The following UNC5D variants were observed in gnomAD, a reference collection of about 807,000 sequenced individuals.
UNC5D encodes netrin receptor UNC5D.
A neutral mutation model predicts 105.4 loss-of-function variants in UNC5D; 39 were observed. The ratio of observed to expected loss-of-function variants is 0.37; its 90% CI spans 0.29 to 0.48. UNC5D has a LOEUF of 0.48. UNC5D is among the 20% of genes least tolerant of loss of function. The pLI is 0.98. For missense variants in UNC5D, 991 were observed against 1,202.4 expected (o/e 0.82, Z 2.60); for synonymous variants, 452 against 450.4 (o/e 1.00, Z -0.04).
chr8:35,343,123 G>T (rs191607137), intron 1 of UNC5D, among the ~76,000 whole-genome samples: 1 of 151,998 alleles, frequency 6.6e-6, no homozygotes, highest in Non-Finnish European at 1.5e-5. Context: ...TGACACTGCT[G>T]GTCTGGGGAC....
chr8:35,759,340 G>T lies in UNC5D; in HGVS notation c.2184G>T (p.Arg728Ser), dbSNP rs781613574. The change falls in exon 14 of 17, where the codon AGG (arginine) becomes AGT (serine). Residue 728 changes from arginine (R) to serine (S), a missense_variant. By Grantham distance (110) the Arg-to-Ser change is moderately radical. Around this residue, in one of 3 missense-constraint regions of UNC5D, gnomAD observed 944 missense variants for 1,131.6 expected, o/e 0.83. Transcript: ENST00000404895. The part of the protein sequence containing the change: ...CAFQEVVSDE[R>S]HQGGQLLEEP... ...TATAGGAAGTGGTTTCAGATGAAAG[G>T]CATCAAGGTGGACAGCTCCTGGAAG... is the stretch of plus-strand genomic sequence containing the variant. The T allele has an allele frequency of 6.2e-7, 1 of 1,613,228 alleles. No homozygotes were observed. The highest frequency in any genetic ancestry group is 1.7e-5 in the Admixed American group (1 of 59,812).
chr8:35,393,354 C>T (rs528401503), intron 1 of UNC5D, among the ~76,000 whole-genome samples: 44 of 151,800 alleles, frequency 2.9e-4, no homozygotes, highest in Middle Eastern at 3.4e-3. Context: ...AGGATGGTCT[C>T]GATCTCCTGA....
At chr8:35,646,274 C>CTTG (rs1823044700) in intron 4 of UNC5D, among the ~76,000 whole-genome samples, 1 of 151,912 alleles carries the variant, frequency 6.6e-6, no homozygotes, top group African/African-American at 2.4e-5. Context: ...TGCTTTTTTT[C>CTTG]TACAACATTA....
chr8:35,240,195 C>T (rs1322949508), intron 1 of UNC5D, among the ~76,000 whole-genome samples: 1 of 152,198 alleles, frequency 6.6e-6, no homozygotes, highest in Non-Finnish European at 1.5e-5. Context: ...GGTGATCCTT[C>T]TGCCTTGGCC....
At chr8:35,502,756 G>A (rs1812052972) in intron 1 of UNC5D, among the ~76,000 whole-genome samples, 1 of 151,080 alleles carries the variant, frequency 6.6e-6, no homozygotes, top group South Asian at 2.1e-4. Context: ...TAGTAGAGAC[G>A]GGGTTTCACC....
intron 1 of UNC5D, chr8:35,255,341 T>C (rs182544087): frequency 2.0e-5 from 3 of 152,292 alleles, no homozygotes; most frequent in East Asian, 1.9e-4. Flanking sequence ...CCATCCATCA[T>C]AGTGACTCAA....
At chr8:35,710,669 A>G (rs1015580738) in intron 8 of UNC5D, among the ~76,000 whole-genome samples, 6 of 152,166 alleles carry the variant, frequency 3.9e-5, no homozygotes, top group Admixed American at 3.9e-4. Flanking sequence ...GGACATTAAC[A>G]TTTAGATGTA....
intron 1 of UNC5D, among the ~76,000 whole-genome samples, chr8:35,282,651 T>C (rs745360237): frequency 8.0e-5 from 12 of 149,128 alleles, no homozygotes; most frequent in Non-Finnish European, 1.8e-4. Context: ...CCCGTGTTCT[T>C]TAAAATGTGT....
At chr8:35,612,934 T>C (rs984979864) in intron 4 of UNC5D, among the ~76,000 whole-genome samples, 4 of 152,128 alleles carry the variant, frequency 2.6e-5, no homozygotes, top group African/African-American at 9.7e-5. Context: ...GTTAGGTCCC[T>C]GCAGTCAGGT....
chr8:35,645,339 T>C (rs1441922179), intron 4 of UNC5D, among the ~76,000 whole-genome samples: 9 of 152,286 alleles, frequency 5.9e-5, no homozygotes, highest in African/African-American at 2.2e-4. Context: ...GATTAATTAA[T>C]TATTGAATCC....
chr8:35,430,780 A>G (rs918438292), intron 1 of UNC5D, among the ~76,000 whole-genome samples: 8 of 152,186 alleles, frequency 5.3e-5, no homozygotes, highest in African/African-American at 1.9e-4. Context: ...GCTACTGAGA[A>G]CAGATAACCC....
In UNC5D at chr8:35,476,692, A is replaced by G. The variant is rs144488813; in HGVS notation, c.104-72600A>G. 5.7e-3 allele frequency among the ~76,000 whole-genome samples: 863 copies of G among 152,268 alleles called. 11 individuals are homozygous for G. Among genetic ancestry groups the G allele is most frequent in the African/African-American group, 0.019 (808 of 41,552 alleles). On this transcript the variant is annotated intron_variant, in intron 1 of 16. Coordinates refer to ENST00000404895, the MANE Select transcript of UNC5D (RefSeq NM_080872.4). ...CTGCCTTCTGAAAGGCTACTGTCCT[A>G]GATTAGTCTCCAGTGACATTTCAGA...
intron 4 of UNC5D, among the ~76,000 whole-genome samples, chr8:35,602,042 T>A (rs1435412701): frequency 6.6e-6 from 1 of 152,202 alleles, no homozygotes; most frequent in African/African-American, 2.4e-5. Flanking sequence ...TTTTTCTGCA[T>A]CTATTGAGAT....
At chr8:35,730,677 T>A (rs1829143436) in intron 10 of UNC5D, among the ~76,000 whole-genome samples, 1 of 152,184 alleles carries the variant, frequency 6.6e-6, no homozygotes, top group African/African-American at 2.4e-5. Context: ...GATTAAGTGA[T>A]GTATGGATAA....
chr8:35,436,166 A>T (rs1807001227), intron 1 of UNC5D, among the ~76,000 whole-genome samples: 1 of 152,046 alleles, frequency 6.6e-6, no homozygotes, highest in South Asian at 2.1e-4. Context: ...GCTTGTAAAC[A>T]TTAGAGCACA....
intron 1 of UNC5D, among the ~76,000 whole-genome samples, chr8:35,424,019 G>A (rs981380958): frequency 2.6e-5 from 4 of 152,048 alleles, no homozygotes; most frequent in African/African-American, 4.8e-5. Flanking sequence ...CAACTGGTCT[G>A]GGACTACTGG....
rs1053264307 is a variant in UNC5D at position 35,595,740 on chromosome 8, G to T, written c.570+83G>T. 4 of 1,195,996 alleles carry T rather than the reference G, an allele frequency of 3.3e-6. No individual in the cohort carries two copies. In the Admixed American group the frequency reaches 6.1e-5, roughly 18 times the overall value. The allele number at this position is 1,195,996 out of a possible 1,614,324, so 74.1% of individuals were successfully genotyped here. A position where few individuals can be genotyped will look rare whatever the true frequency, so the allele number is the denominator to read the frequency against. ...AGGGCGGAGTCCTGTGTGGCTGGAA[G>T]GGAAGTAAAGGAGCCCATGTCTGGG... On this transcript the variant is annotated intron_variant, in intron 4 of 16. Transcript: ENST00000404895.
chr8:35,252,931 A>G (rs1803811410), intron 1 of UNC5D, among the ~76,000 whole-genome samples: 1 of 152,172 alleles, frequency 6.6e-6, no homozygotes, highest in Non-Finnish European at 1.5e-5. Context: ...TAATATGATT[A>G]TCTCTGTAGG....
intron 2 of UNC5D, among the ~76,000 whole-genome samples, chr8:35,558,010 T>G (rs1816677513): frequency 1.3e-5 from 2 of 151,106 alleles, no homozygotes; most frequent in Non-Finnish European, 2.9e-5. Context: ...TGGGCACCTA[T>G]AATCCCTTGT....
Sources: allele counts gnomAD v4.1 joint callset (sites outside exome capture counted in the v4.1 genomes callset), GRCh38; gene constraint gnomAD v4.1.1; regional missense constraint gnomAD v4.1.1; transcripts MANE v1.5; gene names NCBI Gene and HGNC (gene_info 2026-07-23, HGNC 2026-07-21).